Variants in EXO1 observed in about 807,000 individuals in gnomAD.
EXO1 encodes the protein exonuclease 1.
Under a neutral mutation model 84.5 loss-of-function variants are expected in EXO1, and 69 were observed. The observed-to-expected ratio is 0.82, with a 90% CI of 0.67 to 1.00. The LOEUF (loss-of-function observed/expected upper bound fraction) is 1.00, where lower values mean the gene tolerates loss of function less well. Among genes scored for constraint, EXO1 ranks in the 50% least tolerant of loss-of-function variants. The pLI, the probability that EXO1 is intolerant of heterozygous loss-of-function variation, is 0.00. For synonymous variants in EXO1, 373 were observed against 366.1 expected (o/e 1.02, Z -0.21); for missense variants, 1,045 against 1,000.7 (o/e 1.04, Z -0.60).
chr1:241,871,687 A>C (rs529587298), intron 11 of EXO1, among the ~76,000 whole-genome samples: 19 of 152,282 alleles, frequency 1.2e-4, no homozygotes, highest in African/African-American at 4.3e-4. Context: ...TTACATATAA[A>C]TTTTCCTGGA....
chr1:241,871,429 T>TGG lies in EXO1; in HGVS notation c.1268-602_1268-601insGG, dbSNP rs1465092778. 6.6e-4 allele frequency among the ~76,000 whole-genome samples: 100 copies of TGG among 152,364 alleles called. 2 individuals carry two copies. In the East Asian group the frequency reaches 0.017, roughly 26 times the overall value. On this transcript the variant is annotated intron_variant, in intron 11 of 15. Coordinates refer to ENST00000366548, the MANE Select transcript of EXO1 (RefSeq NM_130398.4). Reference sequence around the variant, plus strand: ...TTAGTGCTGTCTCTATGTACTTACCTGTCTCAGATTTTAAACTTTTGTTAT... The same window carrying TGG: ...TTAGTGCTGTCTCTATGTACTTACCTGGGTCTCAGATTTTAAACTTTTGTTAT...
chr1:241,866,690 A>T (rs1661754773), intron 10 of EXO1, 140 bp from the exon 11 acceptor site: 6 of 703,216 alleles, frequency 8.5e-6, no homozygotes, highest in Non-Finnish European at 1.5e-5. Flanking sequence ...AGGAAATGTT[A>T]TTCAAGGACA....
At chr1:241,859,687 G>A (rs948548488) in intron 8 of EXO1, among the ~76,000 whole-genome samples, 4 of 152,122 alleles carry the variant, frequency 2.6e-5, no homozygotes, top group Non-Finnish European at 5.9e-5. Flanking sequence ...TGGATAATGT[G>A]TACCCAACCT....
At chr1:241,864,903 A>G (rs1661620130) in intron 10 of EXO1, among the ~76,000 whole-genome samples, 1 of 148,106 alleles carries the variant, frequency 6.8e-6, no homozygotes, top group African/African-American at 2.5e-5. Flanking sequence ...TAAATTTGAG[A>G]CAGGGTCTCT....
At chr1:241,885,175 C>T (rs1458698378) in intron 14 of EXO1, 139 bp from the exon 15 acceptor site, 2 of 326,938 alleles carry the variant, frequency 6.1e-6, no homozygotes, top group Non-Finnish European at 1.0e-5. Flanking sequence ...CCACTGCACT[C>T]CAGACTGGGC....
chr1:241,875,667 A>G (rs1231120131), intron 12 of EXO1, among the ~76,000 whole-genome samples: 1 of 152,172 alleles, frequency 6.6e-6, no homozygotes, highest in Non-Finnish European at 1.5e-5. Context: ...TCATGAGGTC[A>G]GGAGATCGAG....
chr1:241,888,515 G>C (rs1038268594), intron 15 of EXO1, among the ~76,000 whole-genome samples: 6 of 152,170 alleles, frequency 3.9e-5, no homozygotes, highest in Non-Finnish European at 8.8e-5. Context: ...TCTGAATATT[G>C]TAAGAATAGT....
Position 241,885,481 on chromosome 1 carries a change from G to C in EXO1, c.2379G>C (p.Glu793Asp). Residue 793 changes from glutamate to aspartate, a missense_variant, in exon 15 of 16, where the codon GAG becomes GAC. Glu to Asp is a conservative substitution (Grantham distance 45, BLOSUM62 2). Transcript: ENST00000366548. Reference sequence around the variant, plus strand: ...CGGGGTTACAGATCAAACTCAATGAGCTCTGGAAAAACTTTGGATTTAAAA... The same window carrying C: ...CGGGGTTACAGATCAAACTCAATGACCTCTGGAAAAACTTTGGATTTAAAA... ...NKPGLQIKLNELWKNFGFKKD... is the reference protein window; with the variant it reads ...NKPGLQIKLNDLWKNFGFKKD... 6.2e-7 allele frequency: 1 copy of C among 1,613,478 alleles called. No homozygotes were observed. Among genetic ancestry groups the C allele is most frequent in the Non-Finnish European group, 8.5e-7 (1 of 1,179,572 alleles).
In EXO1 at chr1:241,878,839, C is replaced by T. The variant is rs910425196; in HGVS notation, c.1605C>T (p.Asn535=). The change falls in exon 13 of 16, where the codon AAC becomes AAT. Residue 535 remains asparagine, a synonymous_variant. Transcript: ENST00000366548. The stretch of plus-strand genomic sequence containing the variant: ...AAACTGCTGTCACAGATAAAGAGAA[C>T]AATCTGCATGAATCAGAGTATGGAG... ...LDETAVTDKE[N]NLHESEYGDQ... is the part of the protein sequence containing the mutation. 2 of 1,613,882 alleles carry T rather than the reference C, an allele frequency of 1.2e-6. No individual in the cohort carries two copies. Among genetic ancestry groups the T allele is most frequent in the Non-Finnish European group, 8.5e-7 (1 of 1,179,922 alleles).
At chr1:241,856,412 A>G (rs1418293882) in intron 6 of EXO1, among the ~76,000 whole-genome samples, 2 of 152,078 alleles carry the variant, frequency 1.3e-5, no homozygotes, top group South Asian at 2.1e-4. Flanking sequence ...GTTTATTTTA[A>G]AAGTATTTTC....
intron 15 of EXO1, among the ~76,000 whole-genome samples, chr1:241,889,200 T>C (rs2148557333): frequency 6.6e-6 from 1 of 152,372 alleles, no homozygotes; most frequent in East Asian, 1.9e-4. Flanking sequence ...GGAATCATTC[T>C]GCCTTAGCTA....
chr1:241,884,647 C>CTGTG (rs71570908), intron 14 of EXO1, among the ~76,000 whole-genome samples: 47 of 147,710 alleles, frequency 3.2e-4, no homozygotes, highest in African/African-American at 1.2e-3. Context: ...ACTATGCTGC[C>CTGTG]TGTGTGTGTG....
In EXO1 at chr1:241,858,732, G is replaced by T; in HGVS notation, c.756+14G>T. 2.6e-6 allele frequency: 4 copies of T among 1,515,456 alleles called. No individual in the cohort carries two copies. The highest frequency in any genetic ancestry group is 3.7e-6 in the Non-Finnish European group (4 of 1,089,980). The allele number at this position is 1,515,456 out of a possible 1,614,324, so 93.9% of individuals were successfully genotyped here. A position where few individuals can be genotyped will look rare whatever the true frequency, so the allele number is the denominator to read the frequency against. ...GATATAGTAAAGGTAAGAGTGATTT[G>T]CTAAGTGTCATATTCAATTTCTGAA... On this transcript the variant is annotated intron_variant, in intron 8 of 15. Transcript: ENST00000366548.
intron 13 of EXO1, among the ~76,000 whole-genome samples, chr1:241,881,279 AC>A (rs1388305462): frequency 6.6e-6 from 1 of 151,948 alleles, no homozygotes; most frequent in Non-Finnish European, 1.5e-5. Context: ...CTACCCACCC[AC>A]CTTGGCCTCC....
At chr1:241,849,265 A>T (rs570734484) in intron 3 of EXO1, 49 bp downstream of exon 3, 1 of 152,274 alleles carries the variant, frequency 6.6e-6, no homozygotes, top group Non-Finnish European at 1.5e-5. Flanking sequence ...TTCCTTCCAA[A>T]CTTAACGTTT....
Position 241,860,558 on chromosome 1 carries a change from G to T in EXO1, c.798G>T (p.Thr266=). The T allele has an allele frequency of 6.2e-7, 1 of 1,613,906 alleles. No individual in the cohort carries two copies. The highest frequency in any genetic ancestry group is 8.5e-7 in the Non-Finnish European group (1 of 1,179,878). The stretch of plus-strand genomic sequence containing the variant: ...GACATTATCTCAAGATGAATATCAC[G>T]GTACCAGAGGATTACATCAACGGGT... The part of the protein sequence containing the change: ...KIGHYLKMNI[T]VPEDYINGFI... Residue 266 remains threonine, a synonymous_variant, in exon 9 of 16, where the codon ACG becomes ACT. Transcript: ENST00000366548.
At chr1:241,867,138 T>G in intron 11 of EXO1, 83 bp downstream of exon 11, 1 of 911,746 alleles carries the variant, frequency 1.1e-6, no homozygotes. Context: ...TCGCGAAGAT[T>G]TTCTCCTGTT....
chr1:241,856,860 G>T (rs1489188003), intron 6 of EXO1, among the ~76,000 whole-genome samples: 1 of 152,104 alleles, frequency 6.6e-6, no homozygotes, highest in Admixed American at 6.6e-5. Context: ...GCAAAACCTT[G>T]TCTCTACAAA....
At chr1:241,856,530 G>A (rs1278506771) in intron 6 of EXO1, among the ~76,000 whole-genome samples, 3 of 151,860 alleles carry the variant, frequency 2.0e-5, no homozygotes, top group East Asian at 1.9e-4. Context: ...GTGTGTATAT[G>A]TATACACACA....
Sources: gnomAD v4.1 joint callset for allele counts (sites outside exome capture counted in the v4.1 genomes callset) on GRCh38, gnomAD v4.1.1 for gene constraint, MANE v1.5 for transcripts, NCBI Gene and HGNC (gene_info 2026-07-23, HGNC 2026-07-21) for gene names.